CTNND2: variants seen among roughly 807,000 people sequenced by gnomAD.
CTNND2 encodes catenin delta 2.
CTNND2 carries 22 observed loss-of-function variants against 144.4 expected under a neutral mutation model. The observed-to-expected ratio is 0.15, with a 90% confidence interval of 0.11 to 0.22. The LOEUF is 0.22. Among genes scored for constraint, CTNND2 ranks in the 10% least tolerant of loss-of-function variants. CTNND2 has a pLI of 1.00. For synonymous variants in CTNND2, 751 were observed against 695.6 expected, an observed-to-expected ratio of 1.08 and a Z score of -1.25; for missense variants, 1,353 against 1,618.8, an observed-to-expected ratio of 0.84 and a Z score of 2.82.
chr5:11,805,082 C>T (rs1056629166), intron 1 of CTNND2, among the ~76,000 whole-genome samples: 1 of 152,120 alleles, frequency 6.6e-6, no homozygotes, highest in Non-Finnish European at 1.5e-5. Context: ...TGCTATACTT[C>T]TCTACTGTCA....
chr5:11,371,323 CA>C (rs1232411283), intron 7 of CTNND2, among the ~76,000 whole-genome samples: 2 of 152,170 alleles, frequency 1.3e-5, no homozygotes, highest in African/African-American at 4.8e-5. Context: ...TTGAGATATA[CA>C]AAAACTAACA....
intron 1 of CTNND2, among the ~76,000 whole-genome samples, chr5:11,847,776 A>G (rs1794817784): frequency 6.7e-6 from 1 of 148,380 alleles, no homozygotes; most frequent in Non-Finnish European, 1.5e-5. Flanking sequence ...ATAAATTTTA[A>G]AAAACTAAAT....
At chr5:11,453,030 C>G (rs537410714) in intron 3 of CTNND2, among the ~76,000 whole-genome samples, 5 of 152,092 alleles carry the variant, frequency 3.3e-5, no homozygotes, top group African/African-American at 1.2e-4. Context: ...TTCTTGGCTA[C>G]CCTGACAAGC....
rs182412074 is a variant in CTNND2 at position 11,495,094 on chromosome 5, C to T, written c.287+69850G>A. 5.1e-4 allele frequency among the ~76,000 whole-genome samples: 77 copies of T among 152,248 alleles called. 1 individual carries two copies. Among genetic ancestry groups the T allele is most frequent in the African/African-American group, 1.1e-3 (47 of 41,558 alleles). Reference sequence around the variant, plus strand: ...GTGTTTAAAGAGCAGAAGCCCCTTACGAAATCATTTTGCCACAGTGTGGCT... The same window carrying T: ...GTGTTTAAAGAGCAGAAGCCCCTTATGAAATCATTTTGCCACAGTGTGGCT... On this transcript the variant is annotated intron_variant, in intron 3 of 21. Transcript: ENST00000304623.
intron 3 of CTNND2, among the ~76,000 whole-genome samples, chr5:11,489,686 C>T (rs1769200779): frequency 6.6e-6 from 1 of 152,142 alleles, no homozygotes; most frequent in Admixed American, 6.5e-5. Context: ...CACACAGCTG[C>T]CCACATAACA....
In CTNND2 at chr5:11,019,385, A is replaced by G. The variant is rs61751677; in HGVS notation, c.3000-1327T>C. Reference sequence around the variant, plus strand: ...ACAATAGCCAAGCAACTCTAGAAAAACATATATTAATATTCAGGTCGTGAT... The same window carrying G: ...ACAATAGCCAAGCAACTCTAGAAAAGCATATATTAATATTCAGGTCGTGAT... On this transcript the variant is annotated intron_variant, in intron 17 of 21. Coordinates refer to ENST00000304623, the MANE Select transcript of CTNND2 (RefSeq NM_001332.4). 3.0e-3 allele frequency among the ~76,000 whole-genome samples: 451 copies of G among 152,360 alleles called. 3 individuals are homozygous for G. Among genetic ancestry groups the G allele is most frequent in the African/African-American group, 0.01 (431 of 41,582 alleles).
At chr5:11,297,468 A>G (rs1200868549) in intron 9 of CTNND2, among the ~76,000 whole-genome samples, 1 of 152,234 alleles carries the variant, frequency 6.6e-6, no homozygotes, top group East Asian at 1.9e-4. Context: ...GACATTTGCA[A>G]AATTATAAAA....
chr5:11,169,161 C>T (rs1759649137), intron 11 of CTNND2, among the ~76,000 whole-genome samples: 1 of 152,186 alleles, frequency 6.6e-6, no homozygotes, highest in Admixed American at 6.5e-5. Flanking sequence ...TGGTTCCCCA[C>T]CTTGCAATAC....
intron 2 of CTNND2, among the ~76,000 whole-genome samples, chr5:11,651,986 T>A (rs1483106513): frequency 6.6e-6 from 1 of 152,146 alleles, no homozygotes; most frequent in Non-Finnish European, 1.5e-5. Flanking sequence ...GAGTTCAGAC[T>A]TGGGGGACTG....
intron 9 of CTNND2, among the ~76,000 whole-genome samples, chr5:11,289,990 A>T (rs1748149757): frequency 6.6e-6 from 1 of 152,226 alleles, no homozygotes; most frequent in Non-Finnish European, 1.5e-5. Flanking sequence ...CACCAGGATC[A>T]CGCAGCATCA....
chr5:11,527,225 G>T (rs1279649507), intron 3 of CTNND2, among the ~76,000 whole-genome samples: 7 of 152,174 alleles, frequency 4.6e-5, no homozygotes, highest in East Asian at 3.9e-4. Context: ...TAAATGTTAT[G>T]TATTTTTTTA....
At chr5:11,123,118 G>A (rs543444550) in intron 12 of CTNND2, among the ~76,000 whole-genome samples, 113 of 152,262 alleles carry the variant, frequency 7.4e-4, no homozygotes, top group Non-Finnish European at 1.3e-3. Context: ...TACCTTCTAA[G>A]CCTTGCCTCA....
intron 2 of CTNND2, among the ~76,000 whole-genome samples, chr5:11,627,445 T>C (rs1781214361): frequency 6.6e-6 from 1 of 152,158 alleles, no homozygotes; most frequent in African/African-American, 2.4e-5. Flanking sequence ...TACTGGACCA[T>C]GATTCTATAG....
chr5:11,120,379 G>A (rs1473897790), intron 12 of CTNND2, among the ~76,000 whole-genome samples: 4 of 151,732 alleles, frequency 2.6e-5, no homozygotes, highest in African/African-American at 9.7e-5. Flanking sequence ...TATACTGTCT[G>A]CAGGCATGGT....
intron 6 of CTNND2, among the ~76,000 whole-genome samples, chr5:11,386,750 G>T (rs975132870): frequency 6.6e-6 from 1 of 152,164 alleles, no homozygotes; most frequent in Non-Finnish European, 1.5e-5. Flanking sequence ...TCAATGTTGT[G>T]TCCCCAGCAA....
intron 9 of CTNND2, among the ~76,000 whole-genome samples, chr5:11,272,771 T>C (rs1226732153): frequency 2.0e-5 from 3 of 152,210 alleles, no homozygotes; most frequent in Non-Finnish European, 4.4e-5. Flanking sequence ...TACTAAAATA[T>C]ATTAGGGCAA....
chr5:11,758,133 C>A (rs1047665757), intron 1 of CTNND2, among the ~76,000 whole-genome samples: 1 of 151,920 alleles, frequency 6.6e-6, no homozygotes, highest in Non-Finnish European at 1.5e-5. Flanking sequence ...AATCCTTCAG[C>A]TTTGTCACTT....
At position 11,320,515 on chromosome 5, in the gene CTNND2, C is replaced by T. The variant is rs568540642; in HGVS notation, c.1628+25857G>A. On this transcript the variant is annotated intron_variant, in intron 9 of 21. Transcript: ENST00000304623. ...TTTTCATGCTGCTGATAAAGACATA[C>T]CCGAGACTAGGAAATTTACAAGAGA... 2.8e-4 allele frequency among the ~76,000 whole-genome samples: 42 copies of T among 152,208 alleles called. No homozygotes were observed. The South Asian group carries it at 8.7e-3, about 32-fold the overall frequency.
chr5:11,235,204 C>A (rs1741491600), intron 10 of CTNND2, among the ~76,000 whole-genome samples: 1 of 152,124 alleles, frequency 6.6e-6, no homozygotes, highest in Non-Finnish European at 1.5e-5. Context: ...TCATGACCTT[C>A]AGAGAAACCC....
Sources: gnomAD v4.1 joint callset for allele counts (sites outside exome capture counted in the v4.1 genomes callset) on GRCh38, gnomAD v4.1.1 for gene constraint, MANE v1.5 for transcripts, NCBI Gene and HGNC (gene_info 2026-07-23, HGNC 2026-07-21) for gene names.